The following NMNAT1 variants were observed in gnomAD, a reference collection of about 807,000 sequenced individuals.
NMNAT1 encodes nicotinamide nucleotide adenylyltransferase 1, also known as nicotinamide/nicotinic acid mononucleotide adenylyltransferase 1.
In NMNAT1, 11 loss-of-function variants were observed where a neutral mutation model predicts 16.7. The ratio of observed to expected loss-of-function variants is 0.66; its 90% CI spans 0.41 to 1.09. The LOEUF (loss-of-function observed/expected upper bound fraction) is 1.09, where lower values mean the gene tolerates loss of function less well. NMNAT1 is among the 50% of genes least tolerant of loss of function. The pLI is 0.00. For missense variants in NMNAT1, 280 were observed against 332.3 expected (o/e 0.84, Z 1.22); for synonymous variants, 110 against 119.8 (o/e 0.92, Z 0.53).
rs75729753 is a variant in NMNAT1, at chr1:9,966,758, C to T, written c.-56-5260C>T. On this transcript the variant is annotated intron_variant, in intron 1 of 4. Coordinates refer to ENST00000377205, the MANE Select transcript of NMNAT1 (RefSeq NM_022787.4). ...ATGAATGAAAAAGATACTGTCATCA[C>T]TGGGCATTCCAGAGTACTAGGGATA... is the stretch of plus-strand genomic sequence containing the variant. 4.2e-3 allele frequency among the ~76,000 whole-genome samples: 638 copies of T among 152,226 alleles called. 7 individuals are homozygous for T. The highest frequency in any genetic ancestry group is 0.014 in the African/African-American group (601 of 41,538).
At chr1:9,996,143 C>G in the NMNAT1 span, among the ~76,000 whole-genome samples, 2 of 151,748 alleles carry the variant, frequency 1.3e-5, no homozygotes, top group East Asian at 3.9e-4. Context: ...AACCCCGTCT[C>G]TAATAAAAAT....
In NMNAT1 at chr1:9,982,812, G is replaced by A. The variant is rs1284194954; in HGVS notation, c.*111G>A. ...CTGTTGCCTAAACTAAAGCTTAAAA[G>A]TTTAGTAAAAATCGTCTGGGCACAG... is the stretch of plus-strand genomic sequence containing the variant. On this transcript the variant is annotated 3_prime_UTR_variant, in exon 5 of 5. Transcript: ENST00000377205. The A allele has an allele frequency of 1.6e-6, 2 of 1,220,924 alleles. No homozygotes were observed. Among genetic ancestry groups the A allele is most frequent in the Non-Finnish European group, 2.3e-6 (2 of 887,670 alleles). The allele number at this position is 1,220,924 out of a possible 1,614,324, so 75.6% of individuals were successfully genotyped here.
chr1:9,972,997 C>T (rs564950194), intron 2 of NMNAT1, among the ~76,000 whole-genome samples: 3 of 152,180 alleles, frequency 2.0e-5, no homozygotes, highest in Non-Finnish European at 4.4e-5. Flanking sequence ...TCTGTCATGC[C>T]TGTGCTTAAT....
chr1:9,956,731 C>CTT (rs1269404630), intron 1 of NMNAT1, among the ~76,000 whole-genome samples: 1,917 of 119,370 alleles, frequency 0.016, 40 homozygotes, highest in Non-Finnish European at 0.027. Context: ...CCTTGTTTAC[C>CTT]TTTTTTTTTT....
rs7516611 is a variant in NMNAT1 at position 9,952,956 on chromosome 1, A to G, written c.-57+9441A>G. Among the ~76,000 whole-genome samples, 119 of 151,766 alleles carry G rather than the reference A, an allele frequency of 7.8e-4. 1 individual carries two copies. Among genetic ancestry groups the G allele is most frequent in the Middle Eastern group, 3.4e-3 (1 of 294 alleles). On this transcript the variant is annotated intron_variant, in intron 1 of 4. Transcript: ENST00000377205. ...CAGAAATGTCCAGTCTGGGCAAACTAATTTTTCCTTTGATATAGATTGTAT... is the reference window on the plus strand; with the variant it reads ...CAGAAATGTCCAGTCTGGGCAAACTGATTTTTCCTTTGATATAGATTGTAT...
chr1:9,982,233 C>T, intron 4 of NMNAT1, 68 bp from the exon 5 acceptor site: 7 of 1,516,052 alleles, frequency 4.6e-6, no homozygotes, highest in Non-Finnish European at 6.2e-6. Context: ...AAAGTAAACC[C>T]CTTTCCACTT....
At chr1:9,991,938 G>A in the NMNAT1 span, among the ~76,000 whole-genome samples, 4 of 151,688 alleles carry the variant, frequency 2.6e-5, no homozygotes, top group Non-Finnish European at 5.9e-5. Context: ...AGTGCCTCAC[G>A]CCTGTAATCC....
the NMNAT1 span, among the ~76,000 whole-genome samples, chr1:9,995,170 G>A: frequency 6.6e-6 from 1 of 152,178 alleles, no homozygotes; most frequent in Non-Finnish European, 1.5e-5. Flanking sequence ...GCCAAGGTTG[G>A]AGGGTTGCTT....
chr1:9,975,563 C>G (rs780689626), intron 2 of NMNAT1, 29 bp from the exon 3 acceptor site: 1 of 1,529,842 alleles, frequency 6.5e-7, no homozygotes, highest in Non-Finnish European at 8.9e-7. Context: ...ATTTGTTATA[C>G]CTAGTGTGAA....
intron 3 of NMNAT1, among the ~76,000 whole-genome samples, chr1:9,980,232 G>A (rs1292008158): frequency 2.0e-5 from 3 of 151,776 alleles, no homozygotes; most frequent in Non-Finnish European, 4.4e-5. Flanking sequence ...ACGCCCAGTC[G>A]AGAAGATTTT....
chr1:9,972,191 A>G lies in NMNAT1; in HGVS notation c.115+3A>G, dbSNP rs181504239. ...CAAGGACTACATGAATGGAACAGGT[A>G]GGAGCAGTAACCAAAAGTGGCTTAA... On this transcript the variant is annotated splice_donor_region_variant and intron_variant, in intron 2 of 4. Coordinates refer to ENST00000377205, the MANE Select transcript of NMNAT1 (RefSeq NM_022787.4). The G allele has an allele frequency of 6.1e-3, 9,490 of 1,554,594 alleles. 38 individuals carry two copies. Among genetic ancestry groups the G allele is most frequent in the Non-Finnish European group, 7.3e-3 (8,238 of 1,126,828 alleles).
At chr1:9,943,218 C>T (rs1287776973), upstream of NMNAT1, 1 of 164,460 alleles carries the variant, frequency 6.1e-6, no homozygotes, top group Non-Finnish European at 1.4e-5. Context: ...AGCCGTAAAC[C>T]CATGGTCCCC....
chr1:9,963,328 G>GT (rs1014604433), intron 1 of NMNAT1, among the ~76,000 whole-genome samples: 5 of 151,834 alleles, frequency 3.3e-5, no homozygotes, highest in Admixed American at 3.3e-4. Flanking sequence ...TGACACAGGT[G>GT]TTTTCAGTAT....
intron 4 of NMNAT1, among the ~76,000 whole-genome samples, chr1:9,981,960 T>C (rs1570716479): frequency 6.6e-6 from 1 of 151,670 alleles, no homozygotes; most frequent in South Asian, 2.1e-4. Context: ...GCCTCCCGAG[T>C]TCAAGTGATT....
intron 2 of NMNAT1, among the ~76,000 whole-genome samples, chr1:9,973,262 A>G (rs1053808951): frequency 4.6e-5 from 7 of 151,856 alleles, no homozygotes; most frequent in African/African-American, 1.7e-4. Context: ...GATTACAGGA[A>G]TGTGCCACCA....
chr1:9,974,898 A>G (rs1641771908), intron 2 of NMNAT1, among the ~76,000 whole-genome samples: 1 of 152,120 alleles, frequency 6.6e-6, no homozygotes, highest in Non-Finnish European at 1.5e-5. Flanking sequence ...AAAGCTCACT[A>G]TTTGCCTATG....
At chr1:9,965,833 A>C (rs1245128671) in intron 1 of NMNAT1, among the ~76,000 whole-genome samples, 1 of 152,010 alleles carries the variant, frequency 6.6e-6, no homozygotes, top group Non-Finnish European at 1.5e-5. Context: ...CAAAAGATTT[A>C]AAAAATATAG....
the NMNAT1 span, among the ~76,000 whole-genome samples, chr1:9,992,926 A>G: frequency 2.6e-5 from 4 of 151,990 alleles, no homozygotes; most frequent in East Asian, 7.7e-4. Context: ...AAGAAGAAAA[A>G]GAAAAGAAAA....
chr1:9,994,493 C>A, the NMNAT1 span, among the ~76,000 whole-genome samples: 3 of 152,102 alleles, frequency 2.0e-5, no homozygotes, highest in African/African-American at 7.2e-5. Context: ...TGCAATGGCA[C>A]GGTCTTGGCT....
Sources: gnomAD v4.1 joint callset for allele counts (sites outside exome capture counted in the v4.1 genomes callset) on GRCh38, gnomAD v4.1.1 for gene constraint, MANE v1.5 for transcripts, NCBI Gene and HGNC (gene_info 2026-07-23, HGNC 2026-07-21) for gene names.